The following SARS2 variants were observed in gnomAD, a reference collection of about 807,000 sequenced individuals.
The protein encoded by SARS2 is serine--tRNA ligase, mitochondrial.
SARS2 carries 52 observed loss-of-function variants against 66.8 expected under a neutral mutation model. That is an observed-to-expected ratio of 0.78 (90% confidence interval 0.62 to 0.98). The LOEUF (loss-of-function observed/expected upper bound fraction) is 0.98. SARS2 is among the 50% of genes least tolerant of loss of function. SARS2 has a pLI of 0.00. For missense variants in SARS2, 673 were observed against 706.3 expected, an observed-to-expected ratio of 0.95 and a Z score of 0.53; for synonymous variants, 306 against 281.4, an observed-to-expected ratio of 1.09 and a Z score of -0.87.
In SARS2 at chr19:38,920,138, G is replaced by A. The variant is rs768446015; in HGVS notation, c.601C>T (p.Gln201Ter). The A allele has an allele frequency of 6.4e-7, 1 of 1,560,324 alleles. No homozygotes were observed. Among genetic ancestry groups the A allele is most frequent in the Non-Finnish European group, 8.7e-7 (1 of 1,151,390 alleles). ...MVGDKPVFSF[Q>*]PRGHLEIGEK... is the part of the protein sequence containing the mutation. The stretch of plus-strand genomic sequence containing the variant: ...CCAATTTCCAGGTGGCCCCGAGGTT[G>A]GAAGGAGAAAACTGGATGTGGGTGA... Residue 201 changes from glutamine (Q) to a stop codon, truncating the protein, a stop_gained, in exon 6 of 16, where the codon CAA becomes TAA. Transcript: ENST00000221431. LOFTEE classifies it high-confidence loss of function.
chr19:38,929,524 C>T (rs1305669416), intron 1 of SARS2, among the ~76,000 whole-genome samples: 11 of 149,350 alleles, frequency 7.4e-5, no homozygotes, highest in Non-Finnish European at 1.5e-5. Flanking sequence ...CACTGTACTC[C>T]ATCCTGCCAT....
Position 38,919,763 on chromosome 19 carries a change from C to T in SARS2, c.758G>A (p.Arg253Gln), listed in dbSNP as rs185053576. ...CAGCCCTCCTATCTTGGCCCATACC[C>T]GGCGGAGAAGCTTGTTGAATGTGAA... ...VNFTFNKLLR[R>Q]GFTPMTVPDL... Residue 253 changes from arginine to glutamine, a missense_variant and splice_region_variant, in exon 7 of 16, where the codon CGG becomes CAG. Arg to Gln is a conservative substitution (Grantham distance 43, BLOSUM62 1). Transcript: ENST00000221431. 61 of 1,613,784 alleles carry T rather than the reference C, an allele frequency of 3.8e-5. No homozygotes were observed. The Middle Eastern group carries it at 5.0e-4, about 13-fold the overall frequency.
rs746166864 is a variant in SARS2 at position 38,922,074 on chromosome 19, C to T, written c.393+164G>A. ...TATGGAGCCAGCACCTGGATCCAGC[C>T]GCACCTGAAGCCAGTTTTAGTTTCA... On this transcript the variant is annotated intron_variant, in intron 3 of 15. Transcript: ENST00000221431. 6.3e-6 allele frequency: 10 copies of T among 1,579,546 alleles called. No individual in the cohort carries two copies. The Middle Eastern group carries it at 6.7e-4, about 105-fold the overall frequency.
chr19:38,921,965 T>C (rs769114573), intron 3 of SARS2: 3 of 1,551,064 alleles, frequency 1.9e-6, no homozygotes, highest in Admixed American at 2.0e-5. Flanking sequence ...TAACTGGAAC[T>C]ATCAGGAAAG....
Position 38,915,624 on chromosome 19 carries a change from G to A in SARS2, c.1539C>T (p.Gly513=), listed in dbSNP as rs749749393. ...TGGGTTCTTAGCTTACAGCAGGCTG[G>A]CCAGGCAGCCCAGGCTTCCGGGGCT... ...PNQPRKPGLP[G]QPAVS is the part of the protein sequence containing the mutation. The change falls in exon 16 of 16, where the codon GGC becomes GGT. Residue 513 remains glycine (G), a synonymous_variant. Coordinates refer to ENST00000221431, the MANE Select transcript of SARS2 (RefSeq NM_017827.4). The A allele has an allele frequency of 5.0e-6, 8 of 1,612,550 alleles. No homozygotes were observed. The highest frequency in any genetic ancestry group is 1.1e-5 in the South Asian group (1 of 90,980).
At position 38,915,549 on chromosome 19, in the gene SARS2, G is replaced by C. The variant is rs994654044; in HGVS notation, c.*57C>G. The C allele has an allele frequency of 4.4e-6, 7 of 1,593,646 alleles. No homozygotes were observed. Among genetic ancestry groups the C allele is most frequent in the Non-Finnish European group, 6.0e-6 (7 of 1,170,986 alleles). On this transcript the variant is annotated 3_prime_UTR_variant, in exon 16 of 16. Coordinates refer to ENST00000221431, the MANE Select transcript of SARS2 (RefSeq NM_017827.4). ...CAGCAACACAGGTCCCAGGTGTCCGGGGTCTCCTGAACTCCAGGAAGCAGT... is the reference window on the plus strand; with the variant it reads ...CAGCAACACAGGTCCCAGGTGTCCGCGGTCTCCTGAACTCCAGGAAGCAGT...
rs1383481830 is a variant in SARS2 at position 38,921,546 on chromosome 19, T to C, written c.515A>G (p.Asn172Ser). The change falls in exon 4 of 16, where the codon AAC (asparagine) becomes AGC (serine). Residue 172 changes from asparagine to serine, a missense_variant. Coordinates refer to ENST00000221431, the MANE Select transcript of SARS2 (RefSeq NM_017827.4). ...QFYLQALKLPNQTHPDVPVGD... is the reference protein window; with the variant it reads ...QFYLQALKLPSQTHPDVPVGD... ...GCTCACCACGTCTGGGTGGGTCTGG[T>C]TGGGCAGCTTCAGCGCCTGCAGGTA... is the stretch of plus-strand genomic sequence containing the variant. The C allele has an allele frequency of 1.9e-6, 3 of 1,614,172 alleles. No individual in the cohort carries two copies. The highest frequency in any genetic ancestry group is 1.6e-4 in the Middle Eastern group (1 of 6,062).
intron 2 of SARS2, among the ~76,000 whole-genome samples, chr19:38,922,646 G>A (rs1459250526): frequency 1.3e-5 from 2 of 152,128 alleles, no homozygotes; most frequent in Non-Finnish European, 2.9e-5. Flanking sequence ...ACCTGTTGAG[G>A]AAGGGACCTG....
Position 38,915,807 on chromosome 19 carries a change from G to A in SARS2, c.1413+34C>T, listed in dbSNP as rs767327558. ...ATGCCCCAGCCCTCCCCGGCGCTGA[G>A]CTGCCTCTCTGGGTGGGCCCCTCAG... On this transcript the variant is annotated intron_variant, in intron 15 of 15. Coordinates refer to ENST00000221431, the MANE Select transcript of SARS2 (RefSeq NM_017827.4). 3.1e-6 allele frequency: 5 copies of A among 1,612,978 alleles called. No individual in the cohort carries two copies. In the South Asian group the frequency reaches 4.4e-5, roughly 14 times the overall value.
chr19:38,918,351 G>T, intron 9 of SARS2, 71 bp downstream of exon 9: 1 of 1,416,204 alleles, frequency 7.1e-7, no homozygotes, highest in Non-Finnish European at 1.0e-6. Context: ...CCCCCCCAGT[G>T]CTCCCTGGAC....
chr19:38,926,370 GC>G, intron 1 of SARS2, 70 bp from the exon 2 acceptor site: 1 of 1,453,250 alleles, frequency 6.9e-7, no homozygotes. Context: ...GAGCCCACTG[GC>G]CACCTGGACC....
At chr19:38,918,340 TC>T (rs1186184223) in intron 9 of SARS2, 81 bp downstream of exon 9, 21 of 1,344,330 alleles carry the variant, frequency 1.6e-5, no homozygotes, top group Non-Finnish European at 2.1e-5. Context: ...GGGCAGGTGA[TC>T]CCCCCCAGTG....
chr19:38,925,101 G>A (rs990019119), intron 2 of SARS2, among the ~76,000 whole-genome samples: 3 of 152,168 alleles, frequency 2.0e-5, no homozygotes, highest in Non-Finnish European at 4.4e-5. Context: ...ATCACCTGAG[G>A]TGATGAGTTT....
intron 2 of SARS2, among the ~76,000 whole-genome samples, chr19:38,925,710 A>G (rs1346465159): frequency 6.6e-6 from 1 of 152,184 alleles, no homozygotes; most frequent in Admixed American, 6.5e-5. Flanking sequence ...AGAGAAGGAA[A>G]GGACCTGGGC....
chr19:38,922,085 C>T (rs749276967), intron 3 of SARS2, 153 bp downstream of exon 3: 45 of 1,596,528 alleles, frequency 2.8e-5, no homozygotes, highest in Non-Finnish European at 3.6e-5. Flanking sequence ...GCACCTGAAG[C>T]CAGTTTTAGT....
intron 2 of SARS2, among the ~76,000 whole-genome samples, chr19:38,925,085 G>T (rs539200946): frequency 3.9e-5 from 6 of 152,190 alleles, no homozygotes; most frequent in African/African-American, 1.4e-4. Flanking sequence ...AGGCCAAGGC[G>T]GGTGGATCAC....
intron 5 of SARS2, 151 bp downstream of exon 5, chr19:38,921,241 G>T: frequency 1.3e-6 from 1 of 795,324 alleles, no homozygotes. Context: ...GCTCGAGCTC[G>T]GCCAAGGCAG....
Position 38,918,081 on chromosome 19 carries a change from A to C in SARS2, c.962+13T>G. Reference sequence around the variant, plus strand: ...CACAGGTGGGGTCAAGGTCTAAGGAAACCAGGTGTCACCTGACTGGCAGGT... The same window carrying C: ...CACAGGTGGGGTCAAGGTCTAAGGACACCAGGTGTCACCTGACTGGCAGGT... On this transcript the variant is annotated intron_variant, in intron 10 of 15. Coordinates refer to ENST00000221431, the MANE Select transcript of SARS2 (RefSeq NM_017827.4). 1 of 1,606,442 alleles carries C rather than the reference A, an allele frequency of 6.2e-7. No homozygotes were observed. Among genetic ancestry groups the C allele is most frequent in the East Asian group, 2.2e-5 (1 of 44,660 alleles).
chr19:38,925,463 C>T (rs778342487), intron 2 of SARS2, among the ~76,000 whole-genome samples: 20 of 152,164 alleles, frequency 1.3e-4, no homozygotes, highest in Non-Finnish European at 2.1e-4. Flanking sequence ...GCCGGAACTC[C>T]ATTCCTCCGG....
Sources: gnomAD v4.1 joint callset for allele counts (sites outside exome capture counted in the v4.1 genomes callset) on GRCh38, gnomAD v4.1.1 for gene constraint, MANE v1.5 for transcripts, NCBI Gene and HGNC (gene_info 2026-07-23, HGNC 2026-07-21) for gene names.